GRID2: variants seen among roughly 807,000 people sequenced by gnomAD.
GRID2 encodes glutamate receptor ionotropic, delta-2.
A neutral mutation model predicts 114.8 loss-of-function variants in GRID2; 33 were observed. That is an observed-to-expected ratio of 0.29 (90% CI 0.22 to 0.38). GRID2 has a LOEUF of 0.38. Among genes scored for constraint, GRID2 ranks in the 10% least tolerant of loss-of-function variants. The pLI is 1.00. For synonymous variants in GRID2, 505 were observed against 449.9 expected (o/e 1.12, Z -1.55); for missense variants, 1,184 against 1,257.7 (o/e 0.94, Z 0.89).
At chr4:93,547,082 G>T (rs994680334) in intron 13 of GRID2, among the ~76,000 whole-genome samples, 2 of 152,070 alleles carry the variant, frequency 1.3e-5, no homozygotes, top group South Asian at 4.1e-4. Flanking sequence ...AGGCAACCCT[G>T]TTCTCAAAAT....
chr4:93,326,590 C>T (rs1224816103), intron 8 of GRID2, among the ~76,000 whole-genome samples: 1 of 151,630 alleles, frequency 6.6e-6, no homozygotes, highest in Non-Finnish European at 1.5e-5. Context: ...AATTATTCAT[C>T]ACTTTTTTTT....
chr4:92,483,541 A>C (rs2149107024), intron 1 of GRID2, among the ~76,000 whole-genome samples: 1 of 152,240 alleles, frequency 6.6e-6, no homozygotes, highest in Middle Eastern at 3.4e-3. Flanking sequence ...TTACTGAATA[A>C]ATATCACTGG....
In GRID2 at chr4:93,772,936, G is replaced by A. The variant is rs1441473299; in HGVS notation, c.*438G>A. On this transcript the variant is annotated 3_prime_UTR_variant, in exon 16 of 16. Coordinates refer to ENST00000282020, the MANE Select transcript of GRID2 (RefSeq NM_001510.4). ...CATTCTTCTGCTGCATCCATACAAT[G>A]CTCCACTGCTGTTGAGTGTCCTTTA... is the stretch of plus-strand genomic sequence containing the variant. 1 of 156,078 alleles carries A rather than the reference G, an allele frequency of 6.4e-6. No individual in the cohort carries two copies. Among genetic ancestry groups the A allele is most frequent in the African/African-American group, 2.4e-5 (1 of 41,484 alleles). 9.7% of individuals were successfully genotyped at this position (156,078 alleles called of 1,614,324 possible).
At chr4:93,327,755 G>T (rs1757995593) in intron 8 of GRID2, among the ~76,000 whole-genome samples, 1 of 150,328 alleles carries the variant, frequency 6.7e-6, no homozygotes, top group African/African-American at 2.5e-5. Context: ...TCAAGTGGGG[G>T]GATGATGAGA....
Position 93,618,240 on chromosome 4 carries a change from G to A in GRID2, c.2194-8029G>A, listed in dbSNP as rs531646289. ...TTTGGTCTCACTTGAATCCAGTTAA[G>A]TGCTCTTCTTACTTTTCTGTTAGAA... On this transcript the variant is annotated intron_variant, in intron 13 of 15. Coordinates refer to ENST00000282020, the MANE Select transcript of GRID2 (RefSeq NM_001510.4). 2.0e-5 allele frequency among the ~76,000 whole-genome samples: 3 copies of A among 152,286 alleles called. No individual in the cohort carries two copies. In the East Asian group the frequency reaches 5.8e-4, roughly 29 times the overall value.
At chr4:92,805,633 G>GT (rs1740372598) in intron 2 of GRID2, among the ~76,000 whole-genome samples, 1 of 151,882 alleles carries the variant, frequency 6.6e-6, no homozygotes, top group Non-Finnish European at 1.5e-5. Context: ...ATTATACGGT[G>GT]TTTAAAGGAA....
At chr4:93,604,884 A>AATAG (rs1344434938) in intron 13 of GRID2, among the ~76,000 whole-genome samples, 3 of 152,222 alleles carry the variant, frequency 2.0e-5, no homozygotes, top group Non-Finnish European at 2.9e-5. Context: ...TTGCACACTT[A>AATAG]ATAGACTTCA....
chr4:92,624,540 A>G (rs1285994560), intron 2 of GRID2, among the ~76,000 whole-genome samples: 3 of 151,812 alleles, frequency 2.0e-5, no homozygotes, highest in African/African-American at 4.8e-5. Context: ...TTTCTCATCA[A>G]AATATTTTTT....
chr4:93,303,742 A>ACCAT (rs151284691), intron 8 of GRID2, among the ~76,000 whole-genome samples: 5,652 of 152,012 alleles, frequency 0.037, 369 homozygotes, highest in African/African-American at 0.13. Flanking sequence ...AATCCATTCT[A>ACCAT]CCATCCATCC....
At chr4:93,510,561 G>A (rs1729064526) in intron 12 of GRID2, among the ~76,000 whole-genome samples, 1 of 152,102 alleles carries the variant, frequency 6.6e-6, no homozygotes, top group Admixed American at 6.6e-5. Context: ...GTCCCAGAGA[G>A]TTTGCTATGA....
intron 1 of GRID2, among the ~76,000 whole-genome samples, chr4:92,445,047 G>A (rs746150400): frequency 1.3e-5 from 2 of 152,048 alleles, no homozygotes; most frequent in African/African-American, 2.4e-5. Flanking sequence ...GGACTTTAGC[G>A]AGTCATGATC....
At chr4:92,455,464 T>C (rs1304683439) in intron 1 of GRID2, among the ~76,000 whole-genome samples, 3 of 152,114 alleles carry the variant, frequency 2.0e-5, no homozygotes, top group South Asian at 4.1e-4. Flanking sequence ...CAGGAGAGGA[T>C]ATAACGTGAA....
chr4:92,801,544 C>A (rs909838394), intron 2 of GRID2, among the ~76,000 whole-genome samples: 1 of 151,764 alleles, frequency 6.6e-6, no homozygotes. Context: ...ATATAGATTT[C>A]TTTGTTTTAT....
At chr4:93,392,218 T>C (rs557117421) in intron 8 of GRID2, among the ~76,000 whole-genome samples, 1 of 152,250 alleles carries the variant, frequency 6.6e-6, no homozygotes, top group East Asian at 1.9e-4. Flanking sequence ...GTGTTCTCTT[T>C]ACTAGTCTTG....
chr4:93,563,236 A>G (rs1160926714), intron 13 of GRID2, among the ~76,000 whole-genome samples: 1 of 152,024 alleles, frequency 6.6e-6, no homozygotes, highest in African/African-American at 2.4e-5. Flanking sequence ...CTATCTGTCT[A>G]AACATCTGTT....
chr4:92,452,348 C>T (rs1720970921), intron 1 of GRID2, among the ~76,000 whole-genome samples: 1 of 149,062 alleles, frequency 6.7e-6, no homozygotes, highest in Non-Finnish European at 1.5e-5. Flanking sequence ...GACAGAGTCT[C>T]ACTTGGTCAC....
intron 1 of GRID2, among the ~76,000 whole-genome samples, chr4:92,476,931 T>C (rs1413465338): frequency 6.7e-6 from 1 of 150,240 alleles, no homozygotes; most frequent in Non-Finnish European, 1.5e-5. Context: ...CTTTACCGAC[T>C]GGTGGAGTGG....
At chr4:92,915,482 A>G (rs1341650056) in intron 2 of GRID2, among the ~76,000 whole-genome samples, 1 of 152,128 alleles carries the variant, frequency 6.6e-6, no homozygotes, top group Admixed American at 6.6e-5. Flanking sequence ...GCTTTACAAT[A>G]TGAATTTTAA....
At chr4:93,189,994 C>G in intron 4 of GRID2, among the ~76,000 whole-genome samples, 1 of 152,056 alleles carries the variant, frequency 6.6e-6, no homozygotes, top group East Asian at 1.9e-4. Context: ...CTGTTGCCCT[C>G]TTTGGATGAG....
Sources: gnomAD v4.1 joint callset for allele counts (sites outside exome capture counted in the v4.1 genomes callset) on GRCh38, gnomAD v4.1.1 for gene constraint, MANE v1.5 for transcripts, NCBI Gene and HGNC (gene_info 2026-07-23, HGNC 2026-07-21) for gene names.